The following WWC2 variants were observed in gnomAD, a reference collection of about 807,000 sequenced individuals.
WWC2 encodes protein WWC2.
In WWC2, 101 loss-of-function variants were observed where a neutral mutation model predicts 138.5. The observed-to-expected ratio is 0.73, with a 90% CI of 0.62 to 0.86. The LOEUF is 0.86. WWC2 is among the 40% of genes least tolerant of loss of function. WWC2 has a pLI of 0.00. For missense variants in WWC2, 1,420 were observed against 1,419.4 expected (o/e 1.00, Z -0.01); for synonymous variants, 558 against 538.4 (o/e 1.04, Z -0.50).
At chr4:183,164,652 T>C (rs887407106) in intron 1 of WWC2, among the ~76,000 whole-genome samples, 1 of 151,972 alleles carries the variant, frequency 6.6e-6, no homozygotes, top group African/African-American at 2.4e-5. Context: ...TTCCTGTGGG[T>C]ATGGGTCCTG....
In WWC2 at chr4:183,303,163, C is replaced by T. The variant is rs371808308; in HGVS notation, c.3385-9178C>T. On this transcript the variant is annotated intron_variant, in intron 21 of 22. Transcript: ENST00000403733. ...ATTGATTTAAGACGAAACCACTCCCCCTCATTAAATGGATATGTATTATAT... is the reference window on the plus strand; with the variant it reads ...ATTGATTTAAGACGAAACCACTCCCTCTCATTAAATGGATATGTATTATAT... Among the ~76,000 whole-genome samples, 60 of 152,218 alleles carry T rather than the reference C, an allele frequency of 3.9e-4. No homozygotes were observed. In the South Asian group the frequency reaches 0.011, roughly 27 times the overall value.
chr4:183,102,731 T>TA (rs1395669301), intron 1 of WWC2, among the ~76,000 whole-genome samples: 2 of 152,174 alleles, frequency 1.3e-5, no homozygotes, highest in African/African-American at 4.8e-5. Context: ...CTTGTCCCCC[T>TA]ACCCTGCCTG....
At chr4:183,280,686 CAGAT>C in intron 16 of WWC2, 86 bp from the exon 17 acceptor site, 1 of 1,372,604 alleles carries the variant, frequency 7.3e-7, no homozygotes, top group Non-Finnish European at 9.8e-7. Flanking sequence ...GTCGTCTTTA[CAGAT>C]AGAAGTGTAA....
At chr4:183,218,568 G>T (rs1161484773) in intron 4 of WWC2, among the ~76,000 whole-genome samples, 1 of 152,164 alleles carries the variant, frequency 6.6e-6, no homozygotes, top group African/African-American at 2.4e-5. Flanking sequence ...CACAATTATG[G>T]AAACTGGCGA....
At chr4:183,222,070 G>A (rs760989597) in intron 4 of WWC2, among the ~76,000 whole-genome samples, 2 of 152,104 alleles carry the variant, frequency 1.3e-5, no homozygotes, top group African/African-American at 4.8e-5. Context: ...AAAGGAACAG[G>A]TTACTGATAC....
At chr4:183,109,407 CAGT>C (rs1057504178) in intron 1 of WWC2, among the ~76,000 whole-genome samples, 1 of 152,174 alleles carries the variant, frequency 6.6e-6, no homozygotes, top group Admixed American at 6.5e-5. Context: ...TTTATGCCAG[CAGT>C]CCCCAACCTT....
intron 4 of WWC2, among the ~76,000 whole-genome samples, chr4:183,228,958 G>T (rs1736157608): frequency 6.6e-6 from 1 of 152,110 alleles, no homozygotes; most frequent in Admixed American, 6.5e-5. Flanking sequence ...GCTAGACACA[G>T]AAGAGTACAC....
intron 4 of WWC2, among the ~76,000 whole-genome samples, chr4:183,239,740 G>T (rs1330581474): frequency 6.6e-6 from 1 of 152,168 alleles, no homozygotes; most frequent in Non-Finnish European, 1.5e-5. Context: ...GCATTGGAGG[G>T]ACAGGGAGTC....
At chr4:183,270,970 C>T in intron 15 of WWC2, 110 bp from the exon 16 acceptor site, 1 of 1,033,566 alleles carries the variant, frequency 9.7e-7, no homozygotes, top group Non-Finnish European at 1.3e-6. Context: ...TTTTTTTTAC[C>T]CTAAAACAAG....
intron 11 of WWC2, among the ~76,000 whole-genome samples, chr4:183,262,905 A>G (rs1737376740): frequency 6.6e-6 from 1 of 152,208 alleles, no homozygotes; most frequent in Non-Finnish European, 1.5e-5. Context: ...TCTCAGGATT[A>G]TGATTCCTTA....
chr4:183,227,630 TACAAATTAATC>T (rs896247012), intron 4 of WWC2, among the ~76,000 whole-genome samples: 1 of 152,130 alleles, frequency 6.6e-6, no homozygotes, highest in African/African-American at 2.4e-5. Context: ...GTAGAAGTTC[TACAAATTAATC>T]ACGTAATGAA....
intron 21 of WWC2, among the ~76,000 whole-genome samples, chr4:183,290,929 G>A (rs1738429875): frequency 6.6e-6 from 1 of 152,196 alleles, no homozygotes; most frequent in Non-Finnish European, 1.5e-5. Context: ...ATGGAACTCA[G>A]AAACTAAATG....
intron 1 of WWC2, among the ~76,000 whole-genome samples, chr4:183,141,820 T>C (rs1358297510): frequency 4.6e-5 from 7 of 152,232 alleles, no homozygotes; most frequent in Non-Finnish European, 1.0e-4. Flanking sequence ...AAATAGATAT[T>C]ATCTAATACT....
At chr4:183,189,861 A>G (rs1186759172) in intron 1 of WWC2, among the ~76,000 whole-genome samples, 1 of 152,168 alleles carries the variant, frequency 6.6e-6, no homozygotes, top group Non-Finnish European at 1.5e-5. Flanking sequence ...GCTTGTACTC[A>G]CCATCATGTA....
intron 2 of WWC2, among the ~76,000 whole-genome samples, chr4:183,202,120 A>T (rs1358693381): frequency 6.6e-6 from 1 of 151,968 alleles, no homozygotes; most frequent in Non-Finnish European, 1.5e-5. Flanking sequence ...CAAGTTTAGG[A>T]TTGGCTAGGT....
intron 1 of WWC2, among the ~76,000 whole-genome samples, chr4:183,152,328 G>A (rs777700704): frequency 6.6e-5 from 10 of 151,716 alleles, no homozygotes; most frequent in Non-Finnish European, 8.8e-5. Context: ...GTGAGACCCT[G>A]TCTCTACAAA....
In WWC2 at chr4:183,247,092, C is replaced by T. The variant is rs138058383; in HGVS notation, c.732+1547C>T. On this transcript the variant is annotated intron_variant, in intron 6 of 22. Coordinates refer to ENST00000403733, the MANE Select transcript of WWC2 (RefSeq NM_024949.6). ...AACTTTAGATATCTTCTGTGACTTT[C>T]AAACCTCTTTGACCACAGTAAGAAA... 5.0e-3 allele frequency among the ~76,000 whole-genome samples: 762 copies of T among 152,252 alleles called. 12 individuals carry two copies. Among genetic ancestry groups the T allele is most frequent in the African/African-American group, 0.017 (711 of 41,538 alleles).
chr4:183,164,387 TATATATACATATATATTATATATAA>T (rs1561444046), intron 1 of WWC2, among the ~76,000 whole-genome samples: 25 of 1,318 alleles, frequency 0.019, no homozygotes, highest in East Asian at 0.14. Flanking sequence ...ATATATATAT[TATATATACATATATATTATATATAA>T]TATATATATT....
At position 183,289,532 on chromosome 4, in the gene WWC2, G is replaced by A. The variant is rs769634252; in HGVS notation, c.3281G>A (p.Arg1094Gln). 4.3e-6 allele frequency: 7 copies of A among 1,613,940 alleles called. No homozygotes were observed. The highest frequency in any genetic ancestry group is 2.2e-5 in the East Asian group (1 of 44,862). ...GAGCTGCAGGCGCTGAGGGACTTGC[G>A]GCAGAAGCTGGAGGAACTGAAAGCT... Reference protein sequence around the residue: ...NDELQALRDLRQKLEELKAQG... With the variant: ...NDELQALRDLQQKLEELKAQG... Residue 1094 changes from arginine to glutamine, a missense_variant, in exon 21 of 23, where the codon CGG becomes CAG. Arg to Gln is a conservative substitution (Grantham distance 43, BLOSUM62 1). Coordinates refer to ENST00000403733, the MANE Select transcript of WWC2 (RefSeq NM_024949.6).
Sources: gnomAD v4.1 joint callset for allele counts (sites outside exome capture counted in the v4.1 genomes callset) on GRCh38, gnomAD v4.1.1 for gene constraint, MANE v1.5 for transcripts, NCBI Gene and HGNC (gene_info 2026-07-23, HGNC 2026-07-21) for gene names.